FGD3: variants seen among roughly 807,000 people sequenced by gnomAD.
FGD3 encodes the protein FYVE, RhoGEF and PH domain containing 3.
Under a neutral mutation model 71.8 loss-of-function variants are expected in FGD3, and 45 were observed. The ratio of observed to expected loss-of-function variants is 0.63; its 90% confidence interval spans 0.49 to 0.80. FGD3 has a LOEUF of 0.80. FGD3 is among the 30% of genes least tolerant of loss of function. The pLI, the probability that FGD3 is intolerant of heterozygous loss-of-function variation, is 0.00. For synonymous variants in FGD3, 378 were observed against 392.8 expected, an observed-to-expected ratio of 0.96 and a Z score of 0.44; for missense variants, 844 against 951.5, an observed-to-expected ratio of 0.89 and a Z score of 1.49.
chr9:92,957,024 G>A (rs375920467), intron 1 of FGD3, among the ~76,000 whole-genome samples: 60 of 152,082 alleles, frequency 3.9e-4, no homozygotes, highest in African/African-American at 1.3e-3. Flanking sequence ...TATATCAGTG[G>A]CTTACTCCTT....
Position 93,035,621 on chromosome 9 carries a change from C to T in FGD3, c.*32C>T. ...TCTCCCACTGCCCTGCACACCACCA[C>T]ATTGGACCTGTGCTGTCCTGGGAGG... On this transcript the variant is annotated 3_prime_UTR_variant, in exon 18 of 18. Coordinates refer to ENST00000375482, the MANE Select transcript of FGD3 (RefSeq NM_001083536.2). 1.3e-6 allele frequency: 2 copies of T among 1,558,266 alleles called. No homozygotes were observed. Among genetic ancestry groups the T allele is most frequent in the East Asian group, 2.3e-5 (1 of 44,348 alleles).
intron 16 of FGD3, chr9:93,033,122 G>C (rs1268998485): frequency 5.3e-6 from 3 of 563,394 alleles, no homozygotes; most frequent in Non-Finnish European, 9.8e-6. Flanking sequence ...AGTTAGATGG[G>C]AACAAGTGTC....
At chr9:93,034,395 C>A in intron 16 of FGD3, 146 bp from the exon 17 acceptor site, 1 of 1,098,608 alleles carries the variant, frequency 9.1e-7, no homozygotes, top group Non-Finnish European at 1.3e-6. Context: ...CCGGGTGAGG[C>A]TGGTCCCAGT....
intron 1 of FGD3, among the ~76,000 whole-genome samples, chr9:92,967,947 G>A (rs1011066588): frequency 1.3e-5 from 2 of 152,198 alleles, no homozygotes; most frequent in Non-Finnish European, 2.9e-5. Flanking sequence ...TTCTAGGGAT[G>A]GACACTTGAG....
chr9:93,021,739 C>G (rs1337220521), intron 13 of FGD3, among the ~76,000 whole-genome samples: 1 of 152,206 alleles, frequency 6.6e-6, no homozygotes, highest in African/African-American at 2.4e-5. Flanking sequence ...GCCCACCTCC[C>G]CCATATCCAC....
chr9:93,018,358 T>A (rs1861785513), intron 11 of FGD3, 143 bp downstream of exon 11: 1 of 728,240 alleles, frequency 1.4e-6, no homozygotes, highest in Non-Finnish European at 2.2e-6. Flanking sequence ...TCCGTCTATG[T>A]CCTGCGCTTG....
intron 8 of FGD3, among the ~76,000 whole-genome samples, chr9:93,012,275 T>G (rs1861440111): frequency 1.3e-5 from 2 of 152,238 alleles, no homozygotes; most frequent in South Asian, 4.1e-4. Context: ...ATTATACAAA[T>G]CCAAGTCTTT....
intron 14 of FGD3, among the ~76,000 whole-genome samples, chr9:93,022,604 T>G (rs1861965390): frequency 6.6e-6 from 1 of 152,086 alleles, no homozygotes. Flanking sequence ...AATTGTGTGG[T>G]CACTGCAGGG....
intron 3 of FGD3, among the ~76,000 whole-genome samples, chr9:92,996,485 G>C (rs1390832070): frequency 6.6e-6 from 1 of 151,972 alleles, no homozygotes; most frequent in Admixed American, 6.6e-5. Context: ...CTTCAGTTCT[G>C]CTCTGATCTT....
chr9:93,010,741 G>C (rs539785209), intron 7 of FGD3, among the ~76,000 whole-genome samples: 2 of 151,688 alleles, frequency 1.3e-5, no homozygotes, highest in East Asian at 3.9e-4. Context: ...GAGAGAAAGA[G>C]AGAGAACAAG....
intron 14 of FGD3, among the ~76,000 whole-genome samples, chr9:93,027,715 C>CTTTTTTTTTTTTTTTTTTTT (rs1199094054): frequency 9.8e-6 from 1 of 102,002 alleles, no homozygotes; most frequent in Admixed American, 1.2e-4. Context: ...TTCTTTCTTT[C>CTTTTTTTTTTTTTTTTTTTT]TTTTTTTTTT....
At position 92,970,493 on chromosome 9, in the gene FGD3, T is replaced by C. The variant is rs1202606669; in HGVS notation, c.-217-4745T>C. The stretch of plus-strand genomic sequence containing the variant: ...GAATCAGGAGAGGGGGTGGTGACCA[T>C]TGTTCATCAGGAACTCTCATTGGTT... On this transcript the variant is annotated intron_variant, in intron 1 of 17. Coordinates refer to ENST00000375482, the MANE Select transcript of FGD3 (RefSeq NM_001083536.2). Among the ~76,000 whole-genome samples the C allele has an allele frequency of 2.6e-5, 4 of 152,324 alleles. No homozygotes were observed. The South Asian group carries it at 6.2e-4, about 24-fold the overall frequency.
rs1354082915 is a variant in FGD3, at chr9:93,003,031, G to T, written c.543+17G>T. 1 of 1,612,772 alleles carries T rather than the reference G, an allele frequency of 6.2e-7. No individual in the cohort carries two copies. ...CTGGACCAGGTAGCCCACATGGCTTGGGGGCAGTTTCAGTATCTCTTAGCA... is the reference window on the plus strand; with the variant it reads ...CTGGACCAGGTAGCCCACATGGCTTTGGGGCAGTTTCAGTATCTCTTAGCA... On this transcript the variant is annotated intron_variant, in intron 4 of 17. Coordinates refer to ENST00000375482, the MANE Select transcript of FGD3 (RefSeq NM_001083536.2). This position sits in a 1 kb window ranked among gnomAD's most constrained non-coding sequence, Gnocchi z 4.1.
intron 3 of FGD3, among the ~76,000 whole-genome samples, chr9:93,002,472 A>G (rs1268097187): frequency 1.3e-5 from 2 of 152,100 alleles, no homozygotes; most frequent in Admixed American, 1.3e-4. Flanking sequence ...CATGTAGAGC[A>G]GGTAAAATGG....
At chr9:92,982,748 C>A (rs559671140) in intron 3 of FGD3, among the ~76,000 whole-genome samples, 68 of 152,184 alleles carry the variant, frequency 4.5e-4, no homozygotes, top group African/African-American at 1.2e-3. Context: ...TTATCAGAAA[C>A]CTGCATTTAG....
Position 93,003,466 on chromosome 9 carries a change from G to C in FGD3, c.543+452G>C, listed in dbSNP as rs997122811. On this transcript the variant is annotated intron_variant, in intron 4 of 17. Coordinates refer to ENST00000375482, the MANE Select transcript of FGD3 (RefSeq NM_001083536.2). This position sits in a 1 kb window ranked among gnomAD's most constrained non-coding sequence, Gnocchi z 4.1. ...TTTTGTTTTCAGTGCTTGTAGCTCT[G>C]AGGAGAAGGCTTTGCCAAGTCACCT... 4.3e-5 allele frequency among the ~76,000 whole-genome samples: 6 copies of C among 139,866 alleles called. No individual in the cohort carries two copies. Among genetic ancestry groups the C allele is most frequent in the East Asian group, 5.2e-4 (2 of 3,820 alleles). The allele number at this position is 139,866 out of a possible 152,430, so 91.8% of individuals were successfully genotyped here.
chr9:93,006,878 C>A (rs572549909), intron 6 of FGD3, among the ~76,000 whole-genome samples: 1 of 151,684 alleles, frequency 6.6e-6, no homozygotes, highest in Admixed American at 6.6e-5. Flanking sequence ...AGGCGCCCAC[C>A]ACCACGCCCA....
chr9:93,008,620 A>G (rs945209424), intron 6 of FGD3, among the ~76,000 whole-genome samples: 2 of 152,150 alleles, frequency 1.3e-5, no homozygotes, highest in African/African-American at 4.8e-5. Flanking sequence ...TTCACTTGAT[A>G]AAGGGCGTGT....
intron 1 of FGD3, among the ~76,000 whole-genome samples, chr9:92,973,988 G>T (rs139421385): frequency 1.3e-5 from 2 of 152,362 alleles, no homozygotes; most frequent in East Asian, 3.9e-4. Context: ...TCTCTGGGCA[G>T]TGAGCTGGGG....
Sources: allele counts gnomAD v4.1 joint callset (sites outside exome capture counted in the v4.1 genomes callset), GRCh38; gene constraint gnomAD v4.1.1; non-coding constraint Gnocchi (gnomAD v3.1); transcripts MANE v1.5; gene names NCBI Gene and HGNC (gene_info 2026-07-23, HGNC 2026-07-21).